Variants in ARHGAP39 observed in about 807,000 individuals in gnomAD.
ARHGAP39 encodes rho GTPase-activating protein 39.
Under a neutral mutation model 106.9 loss-of-function variants are expected in ARHGAP39, and 44 were observed. That is an observed-to-expected ratio of 0.41 (90% CI 0.32 to 0.53). ARHGAP39 has a LOEUF of 0.53. Among genes scored for constraint, ARHGAP39 ranks in the 20% least tolerant of loss-of-function variants. The pLI is 0.21. For synonymous variants in ARHGAP39, 768 were observed against 693.2 expected, an observed-to-expected ratio of 1.11 and a Z score of -1.69; for missense variants, 1,496 against 1,577.3, an observed-to-expected ratio of 0.95 and a Z score of 0.87.
intron 4 of ARHGAP39, 111 bp downstream of exon 4, chr8:144,555,449 G>A: frequency 1.0e-6 from 1 of 962,940 alleles, no homozygotes. Flanking sequence ...TCCAGCTCTG[G>A]GTCTGTGGTG....
At chr8:144,584,379 T>C (rs1360358243) in intron 2 of ARHGAP39, among the ~76,000 whole-genome samples, 1 of 152,218 alleles carries the variant, frequency 6.6e-6, no homozygotes, top group Admixed American at 6.5e-5. Context: ...GTGTGAAATT[T>C]CATTTTCCCA....
intron 7 of ARHGAP39, among the ~76,000 whole-genome samples, chr8:144,536,255 A>T (rs962076812): frequency 6.6e-6 from 1 of 152,042 alleles, no homozygotes; most frequent in African/African-American, 2.4e-5. Context: ...CAGCTCTCCT[A>T]AGGCCTGTGC....
chr8:144,579,577 C>A (rs1416334054), intron 3 of ARHGAP39, among the ~76,000 whole-genome samples: 1 of 152,158 alleles, frequency 6.6e-6, no homozygotes, highest in Non-Finnish European at 1.5e-5. Context: ...CAGCAGGCCC[C>A]ATCCCTGGCC....
intron 2 of ARHGAP39, 135 bp downstream of exon 2, chr8:144,605,400 A>G: frequency 2.2e-6 from 2 of 923,444 alleles, no homozygotes; most frequent in Non-Finnish European, 3.3e-6. Context: ...TCGGCCATCC[A>G]GGCCTTGGGA....
At chr8:144,537,579 C>G in intron 7 of ARHGAP39, 142 bp downstream of exon 7, 1 of 726,786 alleles carries the variant, frequency 1.4e-6, no homozygotes, top group Non-Finnish European at 2.2e-6. Flanking sequence ...CCCTCCAGCT[C>G]GCTCAGGAGG....
intron 2 of ARHGAP39, among the ~76,000 whole-genome samples, chr8:144,596,507 C>T (rs908822785): frequency 2.0e-5 from 3 of 152,254 alleles, no homozygotes; most frequent in Admixed American, 6.5e-5. Context: ...CTCCTGGTCT[C>T]CTAAATCAAG....
intron 3 of ARHGAP39, among the ~76,000 whole-genome samples, chr8:144,577,242 A>T (rs201669369): frequency 6.6e-6 from 1 of 152,234 alleles, no homozygotes; most frequent in Non-Finnish European, 1.5e-5. Context: ...AAAAGCACAC[A>T]GATGCTGCTG....
At chr8:144,693,730 G>A in the ARHGAP39 span, among the ~76,000 whole-genome samples, 1 of 152,192 alleles carries the variant, frequency 6.6e-6, no homozygotes, top group Admixed American at 6.5e-5. Flanking sequence ...GTTTTGTTCT[G>A]GTGTTAGTTA....
chr8:144,662,973 C>T (rs1292525709), intron 1 of ARHGAP39, among the ~76,000 whole-genome samples: 1 of 150,864 alleles, frequency 6.6e-6, no homozygotes, highest in Admixed American at 6.6e-5. Context: ...TCACTCCCTT[C>T]TCCCCATTAT....
Position 144,583,255 on chromosome 8 carries a change from A to G in ARHGAP39, c.81-1978T>C, listed in dbSNP as rs558334106. 2.6e-5 allele frequency among the ~76,000 whole-genome samples: 4 copies of G among 152,242 alleles called. No individual in the cohort carries two copies. The East Asian group carries it at 7.7e-4, about 29-fold the overall frequency. On this transcript the variant is annotated intron_variant, in intron 2 of 11. Transcript: ENST00000377307. ...TGTGCCACTTTTGATACCACTGATC[A>G]TGTTCTCTTCCTTTTATTTTTAAAG...
At position 144,605,524 on chromosome 8, in the gene ARHGAP39, C is replaced by T. The variant is rs751130877; in HGVS notation, c.80+11G>A. On this transcript the variant is annotated intron_variant, in intron 2 of 11. Transcript: ENST00000377307. ...GGCCCGGGCAGCTCCGCAGGTCGGT[C>T]GGCTCCTTACCGAGTGTTCGACCCT... 32 of 1,613,766 alleles carry T rather than the reference C, an allele frequency of 2.0e-5. No homozygotes were observed. Among genetic ancestry groups the T allele is most frequent in the Middle Eastern group, 3.3e-4 (2 of 6,084 alleles).
intron 2 of ARHGAP39, among the ~76,000 whole-genome samples, chr8:144,603,749 T>A (rs1335009200): frequency 6.6e-6 from 1 of 150,640 alleles, no homozygotes; most frequent in Non-Finnish European, 1.5e-5. Context: ...TAGCACTGAA[T>A]GTTCTAAGAA....
the ARHGAP39 span, among the ~76,000 whole-genome samples, chr8:144,693,846 G>C: frequency 6.6e-6 from 1 of 152,190 alleles, no homozygotes; most frequent in Non-Finnish European, 1.5e-5. Flanking sequence ...AAGTTTGTGG[G>C]AAAGACAAAT....
chr8:144,587,795 C>T (rs1819237691), intron 2 of ARHGAP39, among the ~76,000 whole-genome samples: 1 of 152,100 alleles, frequency 6.6e-6, no homozygotes, highest in African/African-American at 2.4e-5. Flanking sequence ...GCTGGGATTA[C>T]AGGCACGTGC....
chr8:144,622,350 C>T (rs962609871), intron 1 of ARHGAP39, among the ~76,000 whole-genome samples: 4 of 152,040 alleles, frequency 2.6e-5, no homozygotes, highest in African/African-American at 9.7e-5. Flanking sequence ...ACCCCCATGG[C>T]CATGTCAGCA....
At chr8:144,568,705 C>T (rs933483438) in intron 3 of ARHGAP39, among the ~76,000 whole-genome samples, 2 of 152,154 alleles carry the variant, frequency 1.3e-5, no homozygotes, top group African/African-American at 2.4e-5. Context: ...TAGGTTCTTA[C>T]ACCATTTATG....
At chr8:144,637,150 T>C (rs1821192341) in intron 1 of ARHGAP39, among the ~76,000 whole-genome samples, 1 of 152,232 alleles carries the variant, frequency 6.6e-6, no homozygotes, top group African/African-American at 2.4e-5. Context: ...TTCCATCTCA[T>C]TCCTAAAACT....
At chr8:144,627,937 G>A (rs1027998523) in intron 1 of ARHGAP39, among the ~76,000 whole-genome samples, 2 of 152,112 alleles carry the variant, frequency 1.3e-5, no homozygotes. Context: ...CCCCTGCCTC[G>A]GAGCCAGTGG....
chr8:144,660,608 C>G (rs1821798291), intron 1 of ARHGAP39, among the ~76,000 whole-genome samples: 1 of 152,218 alleles, frequency 6.6e-6, no homozygotes, highest in African/African-American at 2.4e-5. Flanking sequence ...GAAAACACTT[C>G]TCTCAGGATC....
Sources: allele counts gnomAD v4.1 joint callset (sites outside exome capture counted in the v4.1 genomes callset), GRCh38; gene constraint gnomAD v4.1.1; transcripts MANE v1.5; gene names NCBI Gene and HGNC (gene_info 2026-07-23, HGNC 2026-07-21).